The following DAAM1 variants were observed in gnomAD, a reference collection of about 807,000 sequenced individuals.
The protein encoded by DAAM1 is dishevelled associated activator of morphogenesis 1.
In DAAM1, 52 loss-of-function variants were observed where a neutral mutation model predicts 130.0. The ratio of observed to expected loss-of-function variants is 0.40; its 90% CI spans 0.32 to 0.50. The LOEUF (loss-of-function observed/expected upper bound fraction) is 0.50, where lower values mean the gene tolerates loss of function less well. DAAM1 is among the 20% of genes least tolerant of loss of function. DAAM1 has a pLI of 0.61. For missense variants in DAAM1, 1,134 were observed against 1,303.8 expected, an observed-to-expected ratio of 0.87 and a Z score of 2.01; for synonymous variants, 452 against 444.5, an observed-to-expected ratio of 1.02 and a Z score of -0.21.
Position 59,291,391 on chromosome 14 carries a change from G to A in DAAM1, c.273+85G>A, listed in dbSNP as rs568830134. The stretch of plus-strand genomic sequence containing the variant: ...TCCATTTCACCACTAGAATTGGACA[G>A]CTCTTTGTAATATGAAAACCAGATT... On this transcript the variant is annotated intron_variant, in intron 3 of 24. Transcript: ENST00000360909. The A allele has an allele frequency of 6.5e-6, 7 of 1,084,018 alleles. No individual in the cohort carries two copies. In the Admixed American group the frequency reaches 1.5e-4, roughly 23 times the overall value. 67.1% of individuals were successfully genotyped at this position (1,084,018 alleles called of 1,614,324 possible).
intron 3 of DAAM1, among the ~76,000 whole-genome samples, chr14:59,312,030 TTTG>T: frequency 6.6e-6 from 1 of 152,300 alleles, no homozygotes; most frequent in African/African-American, 2.4e-5. Context: ...CTTTGTATTG[TTTG>T]TTAATTCAAA....
intron 1 of DAAM1, among the ~76,000 whole-genome samples, chr14:59,214,497 GT>G (rs916636875): frequency 1.3e-5 from 2 of 152,194 alleles, no homozygotes; most frequent in Admixed American, 1.3e-4. Context: ...TTCCCATGTA[GT>G]TTGACAGATC....
At position 59,330,580 on chromosome 14, in the gene DAAM1, G is replaced by A. The variant is rs764710432; in HGVS notation, c.1452G>A (p.Met484Ile). ...AGACTCAAGAGAAGGAAGAGATGAT[G>A]CAGACCTTAAATAAAATGAAAGAGA... ...DAKTQEKEEM[M>I]QTLNKMKEKL... Residue 484 changes from methionine (M) to isoleucine (I), a missense_variant, in exon 13 of 25, where the codon ATG (methionine) becomes ATA (isoleucine). By Grantham distance (10) the Met-to-Ile change is conservative. Transcript: ENST00000360909. The A allele has an allele frequency of 1.2e-6, 2 of 1,613,922 alleles. No individual in the cohort carries two copies. Among genetic ancestry groups the A allele is most frequent in the Admixed American group, 3.3e-5 (2 of 59,994 alleles).
At chr14:59,355,389 G>T in intron 20 of DAAM1, 56 bp downstream of exon 20, 2 of 1,598,042 alleles carry the variant, frequency 1.3e-6, no homozygotes, top group Non-Finnish European at 1.7e-6. Flanking sequence ...TCCAGGCTCA[G>T]ATTTATGCCT....
intron 1 of DAAM1, among the ~76,000 whole-genome samples, chr14:59,198,749 C>T (rs1285311564): frequency 6.6e-6 from 1 of 152,220 alleles, no homozygotes; most frequent in Non-Finnish European, 1.5e-5. Flanking sequence ...TTTAATCACA[C>T]ATGTTTGACA....
At chr14:59,258,727 C>T (rs974010023) in intron 1 of DAAM1, among the ~76,000 whole-genome samples, 1 of 152,118 alleles carries the variant, frequency 6.6e-6, no homozygotes, top group Non-Finnish European at 1.5e-5. Context: ...AAATGGATGC[C>T]TGTTGGAAAT....
intron 17 of DAAM1, among the ~76,000 whole-genome samples, chr14:59,350,154 C>T (rs1886234903): frequency 6.6e-6 from 1 of 152,114 alleles, no homozygotes; most frequent in South Asian, 2.1e-4. Flanking sequence ...TATCAGGCCC[C>T]CAGACCTATG....
chr14:59,298,474 A>C (rs1884043202), intron 3 of DAAM1, among the ~76,000 whole-genome samples: 1 of 152,170 alleles, frequency 6.6e-6, no homozygotes, highest in East Asian at 1.9e-4. Flanking sequence ...AGTGGCCCTG[A>C]TGAGATGCCC....
chr14:59,326,098 C>A, intron 10 of DAAM1, 21 bp downstream of exon 10: 1 of 1,600,172 alleles, frequency 6.2e-7, no homozygotes, highest in Non-Finnish European at 8.6e-7. Context: ...TCGTGACTCA[C>A]ATGTGTGCTT....
rs3842328 is a variant in DAAM1 at position 59,369,627 on chromosome 14, CT to C, written c.*775del. On this transcript the variant is annotated 3_prime_UTR_variant, in exon 25 of 25. Coordinates refer to ENST00000360909, the MANE Select transcript of DAAM1 (RefSeq NM_001270520.2). Reference sequence around the variant, plus strand: ...AAACACTATATAAATGCAATCCATGCTTTTTTTAAAGAACAACATTGCCAGA... The same window carrying C: ...AAACACTATATAAATGCAATCCATGCTTTTTTAAAGAACAACATTGCCAGA... The C allele has an allele frequency of 0.38, 58,338 of 151,844 alleles. 13,595 individuals carry two copies. Among genetic ancestry groups the C allele is most frequent in the East Asian group, 0.84 (4,341 of 5,162 alleles). The allele number at this position is 151,844 out of a possible 1,614,324, so 9.4% of individuals were successfully genotyped here. A position where few individuals can be genotyped will look rare whatever the true frequency, so the allele number is the denominator to read the frequency against.
At chr14:59,197,713 G>A (rs549441870) in intron 1 of DAAM1, among the ~76,000 whole-genome samples, 1 of 152,266 alleles carries the variant, frequency 6.6e-6, no homozygotes, top group South Asian at 2.1e-4. Flanking sequence ...TTTTCAGGCT[G>A]TGTCTGAAGT....
Position 59,324,440 on chromosome 14 carries a change from T to C in DAAM1, c.975T>C (p.Asn325=). 1 of 1,583,104 alleles carries C rather than the reference T, an allele frequency of 6.3e-7. No individual in the cohort carries two copies. The change falls in exon 8 of 25, where the codon AAT becomes AAC. Residue 325 remains asparagine, a synonymous_variant. Coordinates refer to ENST00000360909, the MANE Select transcript of DAAM1 (RefSeq NM_001270520.2). ...TAGATAAATTAAGGGAACACGAAAATTCAACATTAGATAGGTAAGTCAGAC... is the reference window on the plus strand; with the variant it reads ...TAGATAAATTAAGGGAACACGAAAACTCAACATTAGATAGGTAAGTCAGAC... ...PVIDKLREHE[N]STLDRHLDFF...
chr14:59,361,297 T>C (rs1383918563), intron 22 of DAAM1, among the ~76,000 whole-genome samples: 1 of 152,166 alleles, frequency 6.6e-6, no homozygotes, highest in African/African-American at 2.4e-5. Flanking sequence ...AAGCAGACAG[T>C]GTAGTACATG....
At chr14:59,225,013 G>A (rs968724576) in intron 1 of DAAM1, among the ~76,000 whole-genome samples, 1 of 133,834 alleles carries the variant, frequency 7.5e-6, no homozygotes, top group Non-Finnish European at 1.6e-5. Flanking sequence ...AAATAAATCT[G>A]TGTGGGTTTT....
At chr14:59,344,088 G>GT (rs558056508) in intron 16 of DAAM1, among the ~76,000 whole-genome samples, 1 of 152,118 alleles carries the variant, frequency 6.6e-6, no homozygotes, top group South Asian at 2.1e-4. Context: ...TTGGAAGCAG[G>GT]TTTATATTGC....
rs544064007 is a variant in DAAM1 at position 59,227,222 on chromosome 14, A to T, written c.-37-36219A>T. Among the ~76,000 whole-genome samples the T allele has an allele frequency of 5.9e-5, 9 of 152,236 alleles. No individual in the cohort carries two copies. The South Asian group carries it at 1.9e-3, about 32-fold the overall frequency. ...CTTTCATAAAGTGACTTGTGTACAG[A>T]AATAGGCTTACATGTGAACAAGGAT... On this transcript the variant is annotated intron_variant, in intron 1 of 24. Coordinates refer to ENST00000360909, the MANE Select transcript of DAAM1 (RefSeq NM_001270520.2).
chr14:59,225,778 T>C (rs761248317), intron 1 of DAAM1, among the ~76,000 whole-genome samples: 3 of 152,216 alleles, frequency 2.0e-5, no homozygotes, highest in Non-Finnish European at 2.9e-5. Flanking sequence ...TTGTAAAGTA[T>C]TAAGATGCCT....
chr14:59,300,266 C>T (rs545047731), intron 3 of DAAM1, among the ~76,000 whole-genome samples: 23 of 152,188 alleles, frequency 1.5e-4, no homozygotes, highest in Non-Finnish European at 3.1e-4. Context: ...TTACAAATGC[C>T]CTGTTAAGCC....
intron 15 of DAAM1, among the ~76,000 whole-genome samples, chr14:59,335,889 C>G (rs1885608150): frequency 6.6e-6 from 1 of 151,922 alleles, no homozygotes; most frequent in African/African-American, 2.4e-5. Flanking sequence ...CTTTTTTATT[C>G]TCTTTACAAT....
Sources: gnomAD v4.1 joint callset for allele counts (sites outside exome capture counted in the v4.1 genomes callset) on GRCh38, gnomAD v4.1.1 for gene constraint, MANE v1.5 for transcripts, NCBI Gene and HGNC (gene_info 2026-07-23, HGNC 2026-07-21) for gene names.